The following DISP1 variants were observed in gnomAD, a reference collection of about 807,000 sequenced individuals.
DISP1 encodes dispatched RND transporter family member 1.
A neutral mutation model predicts 37.3 loss-of-function variants in DISP1; 30 were observed. That is an observed-to-expected ratio of 0.80 (90% CI 0.60 to 1.09). The LOEUF is 1.09. Ranked by LOEUF, DISP1 falls within the 50% of genes least tolerant of loss-of-function variation. DISP1 has a pLI of 0.00. For missense variants in DISP1, 1,598 were observed against 1,879.5 expected (o/e 0.85, Z 2.77); for synonymous variants, 634 against 690.2 (o/e 0.92, Z 1.28).
chr1:222,979,526 G>A (rs1815607), intron 3 of DISP1: 442,999 of 447,430 alleles, frequency 0.99, 219,419 homozygotes, highest in East Asian at 1. Flanking sequence ...GGTGAATTAT[G>A]TGGTATATGA....
intron 1 of DISP1, among the ~76,000 whole-genome samples, chr1:222,828,207 A>G (rs1664886938): frequency 6.6e-6 from 1 of 152,118 alleles, no homozygotes; most frequent in Non-Finnish European, 1.5e-5. Flanking sequence ...AGAATATCTG[A>G]CTCCAAGACC....
At chr1:222,898,728 G>A (rs1369486262) in intron 1 of DISP1, among the ~76,000 whole-genome samples, 3 of 152,082 alleles carry the variant, frequency 2.0e-5, no homozygotes, top group South Asian at 2.1e-4. Context: ...TGACCCACAC[G>A]ACAGTTTACT....
At chr1:222,997,191 G>A (rs1214906151) in intron 8 of DISP1, among the ~76,000 whole-genome samples, 1 of 151,776 alleles carries the variant, frequency 6.6e-6, no homozygotes, top group East Asian at 1.9e-4. Context: ...TACATGAAGG[G>A]AAAACAATGG....
At position 223,004,026 on chromosome 1, in the gene DISP1, T is replaced by G. The variant is rs532488229; in HGVS notation, c.2629T>G (p.Trp877Gly). 22 of 1,614,104 alleles carry G rather than the reference T, an allele frequency of 1.4e-5. 1 individual carries two copies. The South Asian group carries it at 2.3e-4, about 17-fold the overall frequency. ...EPALYPCCSH[W>G]SFPYKQEIFE... ...TGCCCTGTACCCATGCTGCAGCCAC[T>G]GGAGCTTCCCCTACAAGCAAGAGAT... The change falls in exon 9 of 9, where the codon TGG becomes GGG. Residue 877 changes from tryptophan (W) to glycine (G), a missense_variant. Physicochemically the swap from Trp to Gly is radical, Grantham distance 184. Coordinates refer to ENST00000675850, the MANE Select transcript of DISP1 (RefSeq NM_001377229.1). This position sits in a 1 kb window ranked among gnomAD's most constrained non-coding sequence, Gnocchi z 4.9.
chr1:222,905,524 A>T (rs774528354), intron 1 of DISP1, among the ~76,000 whole-genome samples: 1 of 152,208 alleles, frequency 6.6e-6, no homozygotes, highest in African/African-American at 2.4e-5. Flanking sequence ...GATTGTAAGT[A>T]TATGTTGGCT....
chr1:222,855,142 T>C (rs2125316056), intron 1 of DISP1, among the ~76,000 whole-genome samples: 1 of 152,336 alleles, frequency 6.6e-6, no homozygotes, highest in East Asian at 1.9e-4. Flanking sequence ...CTTCCTGAGT[T>C]ACTGTTTGTG....
chr1:222,871,011 C>G (rs942455113), intron 1 of DISP1, among the ~76,000 whole-genome samples: 8 of 151,478 alleles, frequency 5.3e-5, no homozygotes, highest in African/African-American at 1.9e-4. Flanking sequence ...CTACATATGG[C>G]TAGCCAGTTT....
chr1:222,979,420 A>C (rs903337646), intron 3 of DISP1, among the ~76,000 whole-genome samples: 1 of 146,776 alleles, frequency 6.8e-6, no homozygotes, highest in Admixed American at 6.9e-5. Context: ...AAAAAAATTT[A>C]AATTTAAAAA....
At chr1:222,971,170 TA>T (rs1457416319) in intron 3 of DISP1, among the ~76,000 whole-genome samples, 3 of 152,164 alleles carry the variant, frequency 2.0e-5, no homozygotes, top group Non-Finnish European at 2.9e-5. Context: ...TACAAAAATT[TA>T]AATTTTAAGT....
intron 1 of DISP1, among the ~76,000 whole-genome samples, chr1:222,919,295 A>G (rs1174985104): frequency 2.6e-5 from 4 of 152,218 alleles, no homozygotes; most frequent in African/African-American, 9.6e-5. Flanking sequence ...CAAACTGACA[A>G]ACTGCATCTG....
intron 1 of DISP1, among the ~76,000 whole-genome samples, chr1:222,925,615 T>C (rs1327506507): frequency 6.6e-6 from 1 of 152,160 alleles, no homozygotes; most frequent in Non-Finnish European, 1.5e-5. Context: ...CCTTCCAAGA[T>C]TGGCTCTGTT....
Position 223,004,097 on chromosome 1 carries a change from T to C in DISP1, c.2700T>C (p.Ser900=), listed in dbSNP as rs753157479. The change falls in exon 9 of 9, where the codon AGT becomes AGC. Residue 900 remains serine (S), a synonymous_variant. Coordinates refer to ENST00000675850, the MANE Select transcript of DISP1 (RefSeq NM_001377229.1). The surrounding 1 kb of genome is among the most constrained non-coding windows in gnomAD (Gnocchi z 4.9). The part of the protein sequence containing the change: ...IKRAIMELER[S]TGYHLDSKTP... ...GAGCTATCATGGAGCTGGAAAGGAG[T>C]ACAGGGTACCATTTGGATAGCAAAA... 1.9e-6 allele frequency: 3 copies of C among 1,613,940 alleles called. No homozygotes were observed. Among genetic ancestry groups the C allele is most frequent in the South Asian group, 2.2e-5 (2 of 91,064 alleles).
At chr1:222,846,388 G>C (rs1009187021) in intron 1 of DISP1, among the ~76,000 whole-genome samples, 1 of 152,234 alleles carries the variant, frequency 6.6e-6, no homozygotes, top group African/African-American at 2.4e-5. Context: ...GTACTCGGGA[G>C]GCTGAGGCAG....
chr1:222,928,589 CTG>C lies in DISP1; in HGVS notation c.-18+24_-18+25del, dbSNP rs933249784. ...CATAAAGGTAATACATTTTCTCTTG[CTG>C]TGTGAATATGTGTGTGAGAAATGTG... On this transcript the variant is annotated intron_variant, in intron 2 of 8. Transcript: ENST00000675850. The C allele has an allele frequency of 6.6e-6, 1 of 152,118 alleles. No homozygotes were observed. The highest frequency in any genetic ancestry group is 2.4e-5 in the African/African-American group (1 of 41,418). The allele number at this position is 152,118 out of a possible 1,614,324, so 9.4% of individuals were successfully genotyped here.
chr1:222,992,464 A>G (rs1678770083), intron 7 of DISP1, among the ~76,000 whole-genome samples: 1 of 152,196 alleles, frequency 6.6e-6, no homozygotes, highest in African/African-American at 2.4e-5. Flanking sequence ...ATATTTTTGC[A>G]TTGAACCTTG....
chr1:222,868,692 G>C (rs188244589), intron 1 of DISP1, among the ~76,000 whole-genome samples: 2 of 152,158 alleles, frequency 1.3e-5, no homozygotes, highest in Non-Finnish European at 2.9e-5. Flanking sequence ...AAATACAGAT[G>C]ATCTGACTGT....
In DISP1 at chr1:223,002,759, C is replaced by A; in HGVS notation, c.1362C>A (p.Leu454=). 1.9e-6 allele frequency: 3 copies of A among 1,614,174 alleles called. No individual in the cohort carries two copies. The highest frequency in any genetic ancestry group is 2.5e-6 in the Non-Finnish European group (3 of 1,180,044). ...CGCCAGCTTTAAAATACAGCATGCT[C>A]TTCTCTCCCACAGAGAAAGGGGAGA... is the stretch of plus-strand genomic sequence containing the variant. ...YATPALKYSM[L]FSPTEKGESM... Residue 454 remains leucine (L), a synonymous_variant, in exon 9 of 9, where the codon CTC becomes CTA. Transcript: ENST00000675850.
intron 1 of DISP1, among the ~76,000 whole-genome samples, chr1:222,894,068 G>C (rs906749955): frequency 3.3e-5 from 5 of 152,192 alleles, no homozygotes; most frequent in Non-Finnish European, 7.3e-5. Flanking sequence ...CCCCATGTCT[G>C]TGTGAATCTG....
rs984654006 is a variant in DISP1, at chr1:222,893,501, C to T, written c.-158-34929C>T. On this transcript the variant is annotated intron_variant, in intron 1 of 8. Coordinates refer to ENST00000675850, the MANE Select transcript of DISP1 (RefSeq NM_001377229.1). The surrounding 1 kb of genome is among the most constrained non-coding windows in gnomAD (Gnocchi z 4.3). ...CATGGAGCGGTGAGGGCTGTGTGGG[C>T]GAGTGAGTGTGAGGTCTGGCTGCTG... Among the ~76,000 whole-genome samples, 4 of 152,184 alleles carry T rather than the reference C, an allele frequency of 2.6e-5. No homozygotes were observed. Among genetic ancestry groups the T allele is most frequent in the African/African-American group, 7.2e-5 (3 of 41,452 alleles).
Sources: allele counts gnomAD v4.1 joint callset (sites outside exome capture counted in the v4.1 genomes callset), GRCh38; gene constraint gnomAD v4.1.1; non-coding constraint Gnocchi (gnomAD v3.1); transcripts MANE v1.5; gene names NCBI Gene and HGNC (gene_info 2026-07-23, HGNC 2026-07-21).